Variants in FOXN2 observed in about 807,000 individuals in gnomAD.
FOXN2 encodes forkhead box protein N2.
FOXN2 carries 19 observed loss-of-function variants against 41.2 expected under a neutral mutation model. The ratio of observed to expected loss-of-function variants is 0.46; its 90% CI spans 0.32 to 0.68. The LOEUF (loss-of-function observed/expected upper bound fraction) is 0.68, where lower values mean the gene tolerates loss of function less well. Ranked by LOEUF, FOXN2 falls within the 30% of genes least tolerant of loss-of-function variation. The pLI, the probability that FOXN2 is intolerant of heterozygous loss-of-function variation, is 0.03. For missense variants in FOXN2, 587 were observed against 509.4 expected (o/e 1.15, Z -1.47); for synonymous variants, 195 against 176.8 (o/e 1.10, Z -0.82).
chr2:48,346,621 A>C lies in FOXN2; in HGVS notation c.407A>C (p.Lys136Thr). 1 of 1,614,174 alleles carries C rather than the reference A, an allele frequency of 6.2e-7. No homozygotes were observed. The highest frequency in any genetic ancestry group is 1.1e-5 in the South Asian group (1 of 91,078). The change falls in exon 3 of 7, where the codon AAA becomes ACA. Residue 136 changes from lysine (K) to threonine (T), a missense_variant. Lys to Thr is a moderately conservative substitution (Grantham distance 78). Coordinates refer to ENST00000340553, the MANE Select transcript of FOXN2 (RefSeq NM_002158.4). ...EHSPNKCLPV[K>T]EIYSWILDHF... ...TCTCCAAATAAATGTTTGCCTGTCAAAGAAATTTATAGCTGGATTCTGGAC... is the reference window on the plus strand; with the variant it reads ...TCTCCAAATAAATGTTTGCCTGTCACAGAAATTTATAGCTGGATTCTGGAC...
intron 4 of FOXN2, among the ~76,000 whole-genome samples, chr2:48,360,824 A>T (rs76154567): frequency 0.058 from 8,549 of 147,196 alleles, 402 homozygotes; most frequent in South Asian, 0.16. Context: ...TTAAGCCTGG[A>T]CAACATGGAG....
chr2:48,320,480 A>G (rs1457561771), intron 1 of FOXN2, among the ~76,000 whole-genome samples: 2 of 151,946 alleles, frequency 1.3e-5, no homozygotes, highest in African/African-American at 2.4e-5. Context: ...TAGTAGAGAC[A>G]AGGTTTCACC....
chr2:48,368,157 A>G (rs994189556), intron 5 of FOXN2, among the ~76,000 whole-genome samples: 1 of 151,960 alleles, frequency 6.6e-6, no homozygotes, highest in African/African-American at 2.4e-5. Flanking sequence ...CATGGTGTTG[A>G]CACGGTTTTG....
chr2:48,327,763 C>A (rs1669775187), intron 1 of FOXN2, among the ~76,000 whole-genome samples: 1 of 152,180 alleles, frequency 6.6e-6, no homozygotes, highest in Non-Finnish European at 1.5e-5. Flanking sequence ...TCTTTAATAA[C>A]ATTAATATCT....
At chr2:48,330,485 C>G (rs1391591443) in intron 2 of FOXN2, among the ~76,000 whole-genome samples, 2 of 152,132 alleles carry the variant, frequency 1.3e-5, no homozygotes, top group East Asian at 3.8e-4. Flanking sequence ...GTTTAGTGAT[C>G]TGAATTCAGT....
chr2:48,350,443 A>T (rs1671378631), intron 3 of FOXN2, among the ~76,000 whole-genome samples: 1 of 152,220 alleles, frequency 6.6e-6, no homozygotes, highest in Non-Finnish European at 1.5e-5. Context: ...GCTAGGTTTT[A>T]TACTTCTCTT....
intron 5 of FOXN2, among the ~76,000 whole-genome samples, chr2:48,370,863 T>G (rs566672669): frequency 1.3e-5 from 2 of 152,326 alleles, no homozygotes; most frequent in African/African-American, 2.4e-5. Context: ...TCATAAAATC[T>G]TTTCCCAGAC....
intron 2 of FOXN2, among the ~76,000 whole-genome samples, chr2:48,341,382 T>A (rs930418768): frequency 6.6e-6 from 1 of 152,230 alleles, no homozygotes; most frequent in Non-Finnish European, 1.5e-5. Context: ...ATTTATATAT[T>A]CCTGAACACA....
chr2:48,371,067 A>G (rs553840229), intron 5 of FOXN2, among the ~76,000 whole-genome samples: 3 of 152,024 alleles, frequency 2.0e-5, no homozygotes, highest in Admixed American at 1.3e-4. Flanking sequence ...TCTTTCCCCC[A>G]GTTAGTATTC....
chr2:48,336,787 T>C (rs1670391055), intron 2 of FOXN2, among the ~76,000 whole-genome samples: 2 of 151,830 alleles, frequency 1.3e-5, no homozygotes, highest in Non-Finnish European at 2.9e-5. Flanking sequence ...AGTAAAATGA[T>C]GGAAAAACAT....
rs182968876 is a variant in FOXN2 at position 48,319,146 on chromosome 2, C to T, written c.-157+4332C>T. 5.5e-5 allele frequency among the ~76,000 whole-genome samples: 8 copies of T among 146,108 alleles called. No individual in the cohort carries two copies. In the East Asian group the frequency reaches 1.2e-3, roughly 21 times the overall value. ...TACAGGTATTGGTGCTTCTGCCACT[C>T]AAAAGCCTTTTTTTTTTTTCTGAGA... On this transcript the variant is annotated intron_variant, in intron 1 of 6. Transcript: ENST00000340553.
chr2:48,340,547 A>G (rs1670683023), intron 2 of FOXN2: 1 of 152,154 alleles, frequency 6.6e-6, no homozygotes, highest in Non-Finnish European at 1.5e-5. Context: ...TTAAATCCGA[A>G]GCCTTCTTCT....
intron 4 of FOXN2, among the ~76,000 whole-genome samples, chr2:48,361,868 A>G (rs558167401): frequency 1.7e-4 from 26 of 152,356 alleles, no homozygotes; most frequent in Non-Finnish European, 3.7e-4. Flanking sequence ...CCTGTTTGCT[A>G]TCACTACCAA....
chr2:48,322,859 C>T (rs566125473), intron 1 of FOXN2, among the ~76,000 whole-genome samples: 46 of 149,138 alleles, frequency 3.1e-4, no homozygotes, highest in African/African-American at 1.1e-3. Context: ...TTGAGCATCT[C>T]TTTCAGACTT....
chr2:48,364,197 AT>A (rs1672380900), intron 5 of FOXN2, among the ~76,000 whole-genome samples: 1 of 152,094 alleles, frequency 6.6e-6, no homozygotes, highest in Non-Finnish European at 1.5e-5. Context: ...AAGTAAAGTC[AT>A]TTATCCCATT....
At position 48,376,821 on chromosome 2, in the gene FOXN2, C is replaced by G. The variant is rs537728072; in HGVS notation, c.*1378C>G. ...AACTTTCTGAAAGTTCAGTCTTATG[C>G]TACATCCTAAGTCATAGACAATGAC... On this transcript the variant is annotated 3_prime_UTR_variant, in exon 7 of 7. Transcript: ENST00000340553. 6.6e-6 allele frequency: 1 copy of G among 152,358 alleles called. No individual in the cohort carries two copies. Among genetic ancestry groups the G allele is most frequent in the Non-Finnish European group, 1.5e-5 (1 of 67,884 alleles). The allele number at this position is 152,358 out of a possible 1,614,324, so 9.4% of individuals were successfully genotyped here. A position where few individuals can be genotyped will look rare whatever the true frequency, so the allele number is the denominator to read the frequency against.
chr2:48,325,802 C>T (rs1225966259), intron 1 of FOXN2, among the ~76,000 whole-genome samples: 1 of 150,988 alleles, frequency 6.6e-6, no homozygotes, highest in Non-Finnish European at 1.5e-5. Context: ...ACTGGGGCCC[C>T]TCCATAGTCT....
In FOXN2 at chr2:48,376,873, TATACATATGTACAC is replaced by T. The variant is rs946763943; in HGVS notation, c.*1439_*1452del. On this transcript the variant is annotated 3_prime_UTR_variant, in exon 7 of 7. Transcript: ENST00000340553. ...TTGTTTTCATTATTCTGATAGATTG[TATACATATGTACAC>T]ATACATATACACATATGCACAGTCA... is the stretch of plus-strand genomic sequence containing the variant. The T allele has an allele frequency of 1.4e-4, 21 of 152,636 alleles. 1 individual carries two copies. The highest frequency in any genetic ancestry group is 4.8e-4 in the African/African-American group (20 of 41,582). The allele number at this position is 152,636 out of a possible 1,614,324, so 9.5% of individuals were successfully genotyped here.
intron 5 of FOXN2, among the ~76,000 whole-genome samples, chr2:48,369,101 C>G (rs774754159): frequency 6.6e-6 from 1 of 152,132 alleles, no homozygotes; most frequent in African/African-American, 2.4e-5. Flanking sequence ...GTTATAGAAA[C>G]AGTACTTAAT....
Sources: gnomAD v4.1 joint callset for allele counts (sites outside exome capture counted in the v4.1 genomes callset) on GRCh38, gnomAD v4.1.1 for gene constraint, MANE v1.5 for transcripts, NCBI Gene and HGNC (gene_info 2026-07-23, HGNC 2026-07-21) for gene names.